Variants in MIB2 observed in about 807,000 individuals in gnomAD.
The protein encoded by MIB2 is MIB E3 ubiquitin protein ligase 2.
In MIB2, 78 loss-of-function variants were observed where a neutral mutation model predicts 96.6. The ratio of observed to expected loss-of-function variants is 0.81; its 90% CI spans 0.67 to 0.97. The LOEUF (loss-of-function observed/expected upper bound fraction) is 0.97. MIB2 is among the 50% of genes least tolerant of loss of function. MIB2 has a pLI of 0.00. For synonymous variants in MIB2, 820 were observed against 629.5 expected (o/e 1.30, Z -4.53); for missense variants, 1,543 against 1,424.0 (o/e 1.08, Z -1.35).
intron 2 of MIB2, chr1:1,617,497 T>G (rs1643867555): frequency 6.6e-6 from 1 of 152,244 alleles, no homozygotes; most frequent in Non-Finnish European, 1.5e-5. Flanking sequence ...ACCCGGTGTC[T>G]GCTTGCGTGG....
chr1:1,625,043 G>A lies in MIB2; in HGVS notation c.579G>A (p.Glu193=). Residue 193 remains glutamate (E), a synonymous_variant, in exon 6 of 20, where the codon GAG becomes GAA. Transcript: ENST00000355826. The surrounding 1 kb of genome is among the most constrained non-coding windows in gnomAD (Gnocchi z 5.0). Reference sequence around the variant, plus strand: ...TGGACATCCGTGGCTGGGATGTGGAGACAGGCCGGAGTGTGGCCAGCGTGA... The same window carrying A: ...TGGACATCCGTGGCTGGGATGTGGAAACAGGCCGGAGTGTGGCCAGCGTGA... ...RVVDIRGWDV[E]TGRSVASVTW... The A allele has an allele frequency of 6.2e-7, 1 of 1,613,228 alleles. No homozygotes were observed.
At position 1,630,423 on chromosome 1, in the gene MIB2, C is replaced by T. The variant is rs757034716; in HGVS notation, c.2761C>T (p.Leu921Phe). ...CATCTGCATCGACAGCCACATCCGC[C>T]TCGTGTTCCAGTGCGGCCACGGCGC... ...CPICIDSHIR[L>F]VFQCGHGACA... The change falls in exon 20 of 20, where the codon CTC becomes TTC. Residue 921 changes from leucine (L) to phenylalanine (F), a missense_variant. By Grantham distance (22) the Leu-to-Phe change is conservative (BLOSUM62 0). Coordinates refer to ENST00000355826, the MANE Select transcript of MIB2 (RefSeq NM_001170687.4). 9.5e-6 allele frequency: 15 copies of T among 1,586,132 alleles called. No homozygotes were observed. Among genetic ancestry groups the T allele is most frequent in the Admixed American group, 1.8e-5 (1 of 56,858 alleles).
At chr1:1,615,905 G>C in intron 1 of MIB2, 3 of 1,015,088 alleles carry the variant, frequency 3.0e-6, no homozygotes, top group Non-Finnish European at 3.5e-6. Context: ...TGGGGTCGGC[G>C]CTGGGGTCGT....
intron 1 of MIB2, chr1:1,615,987 G>A: frequency 1.0e-6 from 1 of 985,184 alleles, no homozygotes; most frequent in Non-Finnish European, 1.2e-6. Flanking sequence ...AGCAGTCGGG[G>A]CCGGTGGGTG....
intron 4 of MIB2, 154 bp downstream of exon 4, chr1:1,624,099 C>A: frequency 1.1e-6 from 1 of 945,726 alleles, no homozygotes; most frequent in Non-Finnish European, 1.5e-6. Flanking sequence ...GTGCCATGGG[C>A]AGGGCACAGA....
In MIB2 at chr1:1,626,801, C is replaced by A. The variant is rs746786514; in HGVS notation, c.1078-36C>A. On this transcript the variant is annotated intron_variant, in intron 9 of 19. Transcript: ENST00000355826. The surrounding 1 kb of genome is among the most constrained non-coding windows in gnomAD (Gnocchi z 5.3). The stretch of plus-strand genomic sequence containing the variant: ...GCCGCTAGCGCCGCTGCCCCCCACA[C>A]CTGCAGCCTGCTGTGACCCCCTCCC... The A allele has an allele frequency of 3.1e-6, 5 of 1,595,530 alleles. No homozygotes were observed. In the South Asian group the frequency reaches 4.4e-5, roughly 14 times the overall value.
Position 1,623,940 on chromosome 1 carries a change from G to A in MIB2, c.414G>A (p.Ser138=), listed in dbSNP as rs201702899. The A allele has an allele frequency of 1.1e-4, 171 of 1,605,504 alleles. No homozygotes were observed. In the African/African-American group the frequency reaches 2.0e-3, roughly 18 times the overall value. ...TCGACCGCTACGAGACCGCTCACTC[G>A]CGCCCGTGAGTCCCGGGCCGCACCG... ...HAFDRYETAH[S]RPVTLSPRQG... The change falls in exon 4 of 20, where the codon TCG becomes TCA. Residue 138 remains serine, a synonymous_variant. Coordinates refer to ENST00000355826, the MANE Select transcript of MIB2 (RefSeq NM_001170687.4).
intron 2 of MIB2, 53 bp downstream of exon 2, chr1:1,616,667 T>C (rs2100297873): frequency 1.4e-6 from 2 of 1,421,584 alleles, no homozygotes; most frequent in Non-Finnish European, 1.9e-6. Context: ...TCTCCCACTT[T>C]GGGGCTCCGT....
intron 16 of MIB2, 35 bp from the exon 17 acceptor site, chr1:1,629,098 C>G: frequency 7.1e-7 from 1 of 1,413,432 alleles, no homozygotes; most frequent in Admixed American, 3.3e-5. Context: ...CCTGCCCCGG[C>G]GCCCGCCCTC....
At chr1:1,624,496 C>T (rs975124439) in intron 4 of MIB2, among the ~76,000 whole-genome samples, 39 of 152,208 alleles carry the variant, frequency 2.6e-4, no homozygotes, top group Non-Finnish European at 2.9e-5. Context: ...AGCGACCGCA[C>T]CCAGAGGTCT....
chr1:1,629,764 C>G (rs1329603708), intron 19 of MIB2, 60 bp downstream of exon 19: 1 of 1,481,024 alleles, frequency 6.8e-7, no homozygotes, highest in Non-Finnish European at 9.0e-7. Context: ...CGCGGGTCCC[C>G]GTCCCCCACC....
At chr1:1,616,202 G>C in intron 1 of MIB2, 3 of 640,988 alleles carry the variant, frequency 4.7e-6, no homozygotes, top group Non-Finnish European at 5.9e-6. Flanking sequence ...CCGGGTGGGG[G>C]TGCCCGCCGT....
Position 1,628,513 on chromosome 1 carries a change from A to G in MIB2, c.1993A>G (p.Asn665Asp). 6.2e-7 allele frequency: 1 copy of G among 1,600,808 alleles called. No individual in the cohort carries two copies. Among genetic ancestry groups the G allele is most frequent in the Non-Finnish European group, 8.5e-7 (1 of 1,178,358 alleles). Reference sequence around the variant, plus strand: ...GGGCCGCTGTGACGTGAACGTGCGCAACCGGAAGCTGCAGTCCCCGCTGCA... The same window carrying G: ...GGGCCGCTGTGACGTGAACGTGCGCGACCGGAAGCTGCAGTCCCCGCTGCA... ...REGRCDVNVR[N>D]RKLQSPLHLA... Residue 665 changes from asparagine (N) to aspartate (D), a missense_variant, in exon 16 of 20, where the codon AAC (asparagine) becomes GAC (aspartate). Coordinates refer to ENST00000355826, the MANE Select transcript of MIB2 (RefSeq NM_001170687.4).
rs1222610951 is a variant in MIB2, at chr1:1,630,519, A to T, written c.2857A>T (p.Ile953Phe). 1 of 1,583,092 alleles carries T rather than the reference A, an allele frequency of 6.3e-7. No homozygotes were observed. The highest frequency in any genetic ancestry group is 8.5e-7 in the Non-Finnish European group (1 of 1,171,538). The part of the protein sequence containing the change: ...CRQPIRDRIQ[I>F]FV ...CCAGCCCATCCGCGACCGCATCCAGATCTTCGTGTGAGCCGCGCCGTCCGC... is the reference window on the plus strand; with the variant it reads ...CCAGCCCATCCGCGACCGCATCCAGTTCTTCGTGTGAGCCGCGCCGTCCGC... Residue 953 changes from isoleucine (I) to phenylalanine (F), a missense_variant, in exon 20 of 20, where the codon ATC becomes TTC. By Grantham distance (21) the Ile-to-Phe change is conservative. Transcript: ENST00000355826.
chr1:1,630,033 A>C (rs1569918290), intron 19 of MIB2, among the ~76,000 whole-genome samples: 1 of 28,226 alleles, frequency 3.5e-5, no homozygotes, highest in Non-Finnish European at 6.8e-5. Flanking sequence ...CCCCCCCATC[A>C]CACCCCGGCC....
At chr1:1,615,400 G>T, upstream of MIB2, 2 of 1,451,310 alleles carry the variant, frequency 1.4e-6, no homozygotes, top group Non-Finnish European at 1.8e-6. Flanking sequence ...CGACGCAGAC[G>T]CTCCCGCGTG....
upstream of MIB2, chr1:1,615,304 G>C (rs1306518516): frequency 2.0e-5 from 27 of 1,368,292 alleles, no homozygotes; most frequent in Non-Finnish European, 2.5e-5. Flanking sequence ...CGTCTCTATG[G>C]CAACCGAGTG....
In MIB2 at chr1:1,624,380, G is replaced by A. The variant is rs1644543177; in HGVS notation, c.420-415G>A. 2.0e-5 allele frequency among the ~76,000 whole-genome samples: 3 copies of A among 152,158 alleles called. No homozygotes were observed. In the South Asian group the frequency reaches 6.2e-4, roughly 31 times the overall value. On this transcript the variant is annotated intron_variant, in intron 4 of 19. Coordinates refer to ENST00000355826, the MANE Select transcript of MIB2 (RefSeq NM_001170687.4). ...CGTGGAGGGAGGTGTGGTTGTCTTG[G>A]GAGTGCTGTTGGCCAGGCCTGCTTT... is the stretch of plus-strand genomic sequence containing the variant.
At position 1,626,123 on chromosome 1, in the gene MIB2, C is replaced by A; in HGVS notation, c.972+470C>A. On this transcript the variant is annotated intron_variant, in intron 8 of 19. Transcript: ENST00000355826. The surrounding 1 kb of genome is among the most constrained non-coding windows in gnomAD (Gnocchi z 5.3). ...TGGTGGCGGTGGCAGCTTGGATGGC[C>A]CTGGGAGGGGCAGGCCCGGGGCAAA... The A allele has an allele frequency of 5.0e-6, 1 of 201,868 alleles. No individual in the cohort carries two copies. 12.5% of individuals were successfully genotyped at this position (201,868 alleles called of 1,614,324 possible).
Sources: gnomAD v4.1 joint callset for allele counts (sites outside exome capture counted in the v4.1 genomes callset) on GRCh38, gnomAD v4.1.1 for gene constraint, Gnocchi (gnomAD v3.1) non-coding constraint, MANE v1.5 for transcripts, NCBI Gene and HGNC (gene_info 2026-07-23, HGNC 2026-07-21) for gene names.